TMEM132D: variants seen among roughly 807,000 people sequenced by gnomAD.
TMEM132D encodes the protein transmembrane protein 132D.
A neutral mutation model predicts 62.3 loss-of-function variants in TMEM132D; 21 were observed. That is an observed-to-expected ratio of 0.34 (90% CI 0.24 to 0.49). TMEM132D has a LOEUF of 0.49. TMEM132D is among the 20% of genes least tolerant of loss of function. The pLI, the probability that TMEM132D is intolerant of heterozygous loss-of-function variation, is 0.99. For missense variants in TMEM132D, 1,346 were observed against 1,402.8 expected (o/e 0.96, Z 0.65); for synonymous variants, 621 against 575.6 (o/e 1.08, Z -1.13).
chr12:129,838,429 C>T (rs573176479), intron 1 of TMEM132D, among the ~76,000 whole-genome samples: 5 of 152,116 alleles, frequency 3.3e-5, no homozygotes, highest in Non-Finnish European at 4.4e-5. Context: ...TCTGTCAGAG[C>T]GGCCAGTTCA....
At chr12:129,691,996 T>C (rs1881074671) in intron 2 of TMEM132D, among the ~76,000 whole-genome samples, 1 of 151,966 alleles carries the variant, frequency 6.6e-6, no homozygotes, top group African/African-American at 2.4e-5. Context: ...CAGGCTCGGA[T>C]GGATTCACCA....
intron 1 of TMEM132D, among the ~76,000 whole-genome samples, chr12:129,799,511 T>G (rs1871688687): frequency 6.6e-6 from 1 of 152,044 alleles, no homozygotes; most frequent in Non-Finnish European, 1.5e-5. Flanking sequence ...GGGCTCAGAT[T>G]CCGAGGTCAG....
At position 129,354,285 on chromosome 12, in the gene TMEM132D, C is replaced by T. The variant is rs149127127; in HGVS notation, c.1116-16468G>A. On this transcript the variant is annotated intron_variant, in intron 3 of 8. Coordinates refer to ENST00000422113, the MANE Select transcript of TMEM132D (RefSeq NM_133448.3). ...TTTAGGATTCTCCTGCATCTATTTC[C>T]AGAGTGATGCAAAAACTAAACTTTA... 4.6e-3 allele frequency among the ~76,000 whole-genome samples: 690 copies of T among 150,270 alleles called. 8 individuals carry two copies. Among genetic ancestry groups the T allele is most frequent in the African/African-American group, 0.016 (652 of 40,718 alleles).
Position 129,699,851 on chromosome 12 carries a change from A to G in TMEM132D, c.927T>C (p.Val309=). The change falls in exon 2 of 9, where the codon GTT becomes GTC. Residue 309 remains valine, a synonymous_variant. Coordinates refer to ENST00000422113, the MANE Select transcript of TMEM132D (RefSeq NM_133448.3). ...CTTCAGTGGAATTTCTGGAGATGGA[A>G]ACAGGAAAAGTCAGCACGTCTCCTT... The part of the protein sequence containing the change: ...VRKGDVLTFP[V]SISRNSTEDR... 6 of 1,614,178 alleles carry G rather than the reference A, an allele frequency of 3.7e-6. No homozygotes were observed. The highest frequency in any genetic ancestry group is 5.1e-6 in the Non-Finnish European group (6 of 1,180,030).
intron 3 of TMEM132D, among the ~76,000 whole-genome samples, chr12:129,348,256 G>A (rs912718966): frequency 4.6e-5 from 7 of 152,156 alleles, no homozygotes; most frequent in African/African-American, 9.7e-5. Context: ...ACATGCACAC[G>A]TATGTTTATT....
intron 1 of TMEM132D, among the ~76,000 whole-genome samples, chr12:129,792,721 G>A (rs977325995): frequency 5.3e-5 from 8 of 152,062 alleles, no homozygotes; most frequent in East Asian, 1.9e-4. Context: ...ACTTGGATGC[G>A]GGGTTCCAAA....
At chr12:129,699,394 G>A (rs1012592049) in intron 2 of TMEM132D, among the ~76,000 whole-genome samples, 2 of 152,154 alleles carry the variant, frequency 1.3e-5, no homozygotes, top group Non-Finnish European at 2.9e-5. Context: ...ATTTTGAGTT[G>A]GCAAAACCGT....
At chr12:129,404,121 T>A (rs1448470852) in intron 3 of TMEM132D, among the ~76,000 whole-genome samples, 1 of 152,186 alleles carries the variant, frequency 6.6e-6, no homozygotes, top group Non-Finnish European at 1.5e-5. Flanking sequence ...TTTCTTTCTT[T>A]TTTAAAAAGA....
intron 3 of TMEM132D, among the ~76,000 whole-genome samples, chr12:129,496,440 C>A (rs1325831330): frequency 6.6e-6 from 1 of 152,004 alleles, no homozygotes; most frequent in South Asian, 2.1e-4. Flanking sequence ...AGCTGCGACC[C>A]CCTGATGTCT....
intron 2 of TMEM132D, among the ~76,000 whole-genome samples, chr12:129,624,988 C>T (rs1213429792): frequency 6.6e-6 from 1 of 152,240 alleles, no homozygotes; most frequent in Non-Finnish European, 1.5e-5. Context: ...TCCATTGCTC[C>T]ACACCTCACA....
At chr12:129,653,791 A>G (rs1354929077) in intron 2 of TMEM132D, among the ~76,000 whole-genome samples, 3 of 152,348 alleles carry the variant, frequency 2.0e-5, no homozygotes, top group South Asian at 4.1e-4. Context: ...CTCTTCTTTT[A>G]GATCTTACGT....
intron 4 of TMEM132D, among the ~76,000 whole-genome samples, chr12:129,321,212 T>A (rs1012805482): frequency 6.6e-6 from 1 of 152,212 alleles, no homozygotes; most frequent in Non-Finnish European, 1.5e-5. Context: ...ATAGAGAGAA[T>A]TCCATTATAT....
chr12:129,666,019 C>T (rs1042619908), intron 2 of TMEM132D, among the ~76,000 whole-genome samples: 3 of 152,114 alleles, frequency 2.0e-5, no homozygotes, highest in African/African-American at 7.2e-5. Context: ...CTAAATGGGC[C>T]GATGGGCTTT....
chr12:129,824,556 G>A (rs2137327962), intron 1 of TMEM132D, among the ~76,000 whole-genome samples: 1 of 152,170 alleles, frequency 6.6e-6, no homozygotes, highest in African/African-American at 2.4e-5. Context: ...GGGGCCCCCG[G>A]GATGGGACTA....
chr12:129,638,544 TAAAC>T (rs386378236), intron 2 of TMEM132D, among the ~76,000 whole-genome samples: 24 of 44,418 alleles, frequency 5.4e-4, no homozygotes, highest in Non-Finnish European at 1.1e-3. Flanking sequence ...TATATAAATA[TAAAC>T]ATATATAAAT....
chr12:129,896,702 C>T (rs1332071712), intron 1 of TMEM132D, among the ~76,000 whole-genome samples: 1 of 152,184 alleles, frequency 6.6e-6, no homozygotes, highest in Non-Finnish European at 1.5e-5. Flanking sequence ...AAATGTACAT[C>T]TGAATCTCCC....
intron 2 of TMEM132D, among the ~76,000 whole-genome samples, chr12:129,553,793 A>G (rs183224068): frequency 5.3e-5 from 8 of 152,234 alleles, no homozygotes; most frequent in Admixed American, 2.6e-4. Flanking sequence ...TGGTCATGCT[A>G]TTTATGTTTC....
At chr12:129,312,211 G>A (rs1179830757) in intron 4 of TMEM132D, among the ~76,000 whole-genome samples, 2 of 152,162 alleles carry the variant, frequency 1.3e-5, no homozygotes, top group African/African-American at 2.4e-5. Context: ...GCAGACAGCT[G>A]CGTTTAACAG....
At chr12:129,640,858 CA>C (rs889290140) in intron 2 of TMEM132D, among the ~76,000 whole-genome samples, 11 of 152,112 alleles carry the variant, frequency 7.2e-5, no homozygotes, top group Non-Finnish European at 1.5e-4. Flanking sequence ...TCAGCAGCAG[CA>C]TTAGATTCTC....
Sources: allele counts gnomAD v4.1 joint callset (sites outside exome capture counted in the v4.1 genomes callset), GRCh38; gene constraint gnomAD v4.1.1; transcripts MANE v1.5; gene names NCBI Gene and HGNC (gene_info 2026-07-23, HGNC 2026-07-21).